The following ANKS1A variants were observed in gnomAD, a reference collection of about 807,000 sequenced individuals.
ANKS1A encodes ankyrin repeat and sterile alpha motif domain containing 1A, also known as ankyrin repeat and SAM domain-containing protein 1A.
Under a neutral mutation model 120.3 loss-of-function variants are expected in ANKS1A, and 55 were observed. The ratio of observed to expected loss-of-function variants is 0.46; its 90% CI spans 0.37 to 0.57. The LOEUF (loss-of-function observed/expected upper bound fraction) is 0.57, where lower values mean the gene tolerates loss of function less well. Among genes scored for constraint, ANKS1A ranks in the 20% least tolerant of loss-of-function variants. The probability of loss-of-function intolerance (pLI) is 0.00; values close to 1 mark genes in which losing one functional copy is unlikely to be tolerated. For synonymous variants in ANKS1A, 590 were observed against 604.7 expected (o/e 0.98, Z 0.36); for missense variants, 1,123 against 1,480.3 (o/e 0.76, Z 3.96).
chr6:35,004,236 C>T (rs951502585), intron 10 of ANKS1A, among the ~76,000 whole-genome samples: 22 of 152,244 alleles, frequency 1.4e-4, no homozygotes, highest in South Asian at 4.2e-4. Context: ...GCTGATGCTC[C>T]CAGCTGATTA....
chr6:34,987,733 G>A (rs1772286091), intron 8 of ANKS1A, among the ~76,000 whole-genome samples: 1 of 152,240 alleles, frequency 6.6e-6, no homozygotes. Context: ...ATGCCAAAAT[G>A]CTAATGCGAG....
chr6:35,050,251 C>T lies in ANKS1A; in HGVS notation c.2011-3848C>T, dbSNP rs1369781597. ...AAACTTTTTGAAAATGGAGTATTTC[C>T]AAGCATTTTTTGAAGACAAGAGTCC... On this transcript the variant is annotated intron_variant, in intron 11 of 23. Coordinates refer to ENST00000360359, the MANE Select transcript of ANKS1A (RefSeq NM_015245.3). The surrounding 1 kb of genome is among the most constrained non-coding windows in gnomAD (Gnocchi z 4.3). 5.3e-5 allele frequency among the ~76,000 whole-genome samples: 8 copies of T among 152,142 alleles called. No individual in the cohort carries two copies. Among genetic ancestry groups the T allele is most frequent in the African/African-American group, 1.9e-4 (8 of 41,418 alleles).
At chr6:34,940,660 C>T (rs1769476940) in intron 1 of ANKS1A, among the ~76,000 whole-genome samples, 1 of 151,992 alleles carries the variant, frequency 6.6e-6, no homozygotes, top group Non-Finnish European at 1.5e-5. Context: ...CTTATAATCC[C>T]AGCACTTTGG....
Position 34,968,208 on chromosome 6 carries a change from C to T in ANKS1A, c.278+889C>T, listed in dbSNP as rs184865534. Among the ~76,000 whole-genome samples the T allele has an allele frequency of 3.6e-3, 549 of 152,144 alleles. 2 individuals are homozygous for T. Among genetic ancestry groups the T allele is most frequent in the African/African-American group, 9.5e-3 (394 of 41,510 alleles). On this transcript the variant is annotated intron_variant, in intron 2 of 23. Transcript: ENST00000360359. The stretch of plus-strand genomic sequence containing the variant: ...GGAACTGGGTGGGATTTGTGTGGAA[C>T]GTTCTCTGGAGGAGGCATGCTTTGG...
intron 3 of ANKS1A, among the ~76,000 whole-genome samples, chr6:34,978,805 C>A (rs1356751047): frequency 1.3e-4 from 13 of 96,892 alleles, no homozygotes; most frequent in African/African-American, 3.2e-4. Flanking sequence ...AACTCCGTCT[C>A]AAAAAAAAAA....
chr6:34,931,879 A>G (rs1768999285), intron 1 of ANKS1A, among the ~76,000 whole-genome samples: 1 of 152,240 alleles, frequency 6.6e-6, no homozygotes, highest in Non-Finnish European at 1.5e-5. Flanking sequence ...GAAGTACAAA[A>G]CAGTAGATTA....
At position 34,889,574 on chromosome 6, in the gene ANKS1A, A is replaced by T; in HGVS notation, c.172A>T (p.Ser58Cys). ...GGGGGGLGSS[S>C]HPLSSLLSMW... ...CGGCGGCGGCGGCCTCGGCTCTTCC[A>T]GCCACCCCCTCTCCAGTCTGCTCAG... Residue 58 changes from serine (S) to cysteine (C), a missense_variant, in exon 1 of 24, where the codon AGC (serine) becomes TGC (cysteine). Ser to Cys is a moderately radical substitution (Grantham distance 112). Around this residue, in one of 3 missense-constraint regions of ANKS1A, gnomAD observed 73 missense variants for 82.2 expected, o/e 0.89. Transcript: ENST00000360359. This position sits in a 1 kb window ranked among gnomAD's most constrained non-coding sequence, Gnocchi z 5.5. The T allele has an allele frequency of 7.7e-7, 1 of 1,291,034 alleles. No homozygotes were observed. The highest frequency in any genetic ancestry group is 3.3e-5 in the South Asian group (1 of 30,534). 80.0% of individuals were successfully genotyped at this position (1,291,034 alleles called of 1,614,324 possible). A position where few individuals can be genotyped will look rare whatever the true frequency, so the allele number is the denominator to read the frequency against.
Position 35,084,045 on chromosome 6 carries a change from T to A in ANKS1A, c.2995-76T>A. Reference sequence around the variant, plus strand: ...AGGCTGGGACAGAGAACAGTGACAATGGTAACAGGCTGGGGCAGGGGGTGC... The same window carrying A: ...AGGCTGGGACAGAGAACAGTGACAAAGGTAACAGGCTGGGGCAGGGGGTGC... On this transcript the variant is annotated intron_variant, in intron 20 of 23. Coordinates refer to ENST00000360359, the MANE Select transcript of ANKS1A (RefSeq NM_015245.3). This position sits in a 1 kb window ranked among gnomAD's most constrained non-coding sequence, Gnocchi z 4.8. The A allele has an allele frequency of 6.3e-7, 1 of 1,580,168 alleles. No individual in the cohort carries two copies. The highest frequency in any genetic ancestry group is 8.6e-7 in the Non-Finnish European group (1 of 1,158,540).
In ANKS1A at chr6:35,082,892, G is replaced by A. The variant is rs1014085749; in HGVS notation, c.2835+76G>A. 1.4e-5 allele frequency: 22 copies of A among 1,560,148 alleles called. No homozygotes were observed. The highest frequency in any genetic ancestry group is 1.8e-5 in the Non-Finnish European group (21 of 1,155,374). ...GCCAGGCACCTGCGGCCAAGTCCCA[G>A]CAGGGACTCCACAAAGCCAGGCCCA... On this transcript the variant is annotated intron_variant, in intron 18 of 23. Coordinates refer to ENST00000360359, the MANE Select transcript of ANKS1A (RefSeq NM_015245.3). The surrounding 1 kb of genome is among the most constrained non-coding windows in gnomAD (Gnocchi z 4.1).
intron 8 of ANKS1A, among the ~76,000 whole-genome samples, chr6:34,987,037 C>T (rs1446075453): frequency 1.3e-5 from 2 of 152,202 alleles, no homozygotes; most frequent in Admixed American, 6.5e-5. Context: ...TCTTTGTTCC[C>T]TCCTGCTCTC....
chr6:35,090,898 A>G lies in ANKS1A; in HGVS notation c.*2289A>G. 3 of 985,444 alleles carry G rather than the reference A, an allele frequency of 3.0e-6. No individual in the cohort carries two copies. The South Asian group carries it at 1.4e-4, about 46-fold the overall frequency. The allele number at this position is 985,444 out of a possible 1,614,324, so 61.0% of individuals were successfully genotyped here. On this transcript the variant is annotated 3_prime_UTR_variant, in exon 24 of 24. Transcript: ENST00000360359. ...GCCCACCAGCTGCTCAGCGCATAAG[A>G]CCTTCCCGACAGGCTCTGCGTGTGC...
intron 23 of ANKS1A, 52 bp from the exon 24 acceptor site, chr6:35,088,554 G>T: frequency 6.2e-7 from 1 of 1,607,594 alleles, no homozygotes; most frequent in Non-Finnish European, 8.5e-7. Context: ...TCCACCGTCC[G>T]CAGGCCCCAT....
chr6:34,967,426 G>A (rs1226892471), intron 2 of ANKS1A, 107 bp downstream of exon 2: 2 of 1,071,410 alleles, frequency 1.9e-6, no homozygotes, highest in Admixed American at 2.2e-5. Flanking sequence ...AGTGGCTCAT[G>A]CCTGTAATCC....
chr6:34,982,940 CT>C lies in ANKS1A; in HGVS notation c.808+114del. 7.5e-7 allele frequency: 1 copy of C among 1,340,232 alleles called. No homozygotes were observed. The allele number at this position is 1,340,232 out of a possible 1,614,324, so 83.0% of individuals were successfully genotyped here. ...GTGTTTGAACTCAATGTATGTGTAT[CT>C]CCACTGGTTGATTACAAGTGTGTAA... On this transcript the variant is annotated intron_variant, in intron 5 of 23. Coordinates refer to ENST00000360359, the MANE Select transcript of ANKS1A (RefSeq NM_015245.3). This position sits in a 1 kb window ranked among gnomAD's most constrained non-coding sequence, Gnocchi z 4.9.
intron 10 of ANKS1A, chr6:35,010,021 A>G (rs1773671412): frequency 4.8e-6 from 1 of 209,064 alleles, no homozygotes; most frequent in Admixed American, 5.7e-5. Flanking sequence ...CTCTACGAAA[A>G]TAAAAAATTT....
intron 1 of ANKS1A, among the ~76,000 whole-genome samples, chr6:34,933,295 A>C (rs1769081524): frequency 6.6e-6 from 1 of 152,236 alleles, no homozygotes; most frequent in Non-Finnish European, 1.5e-5. Context: ...TTGGCGAAAT[A>C]GATTTTTTTT....
intron 3 of ANKS1A, among the ~76,000 whole-genome samples, chr6:34,979,239 C>G (rs1771773424): frequency 6.6e-6 from 1 of 152,126 alleles, no homozygotes; most frequent in Non-Finnish European, 1.5e-5. Flanking sequence ...AAAATGAAGC[C>G]AGTTTGAGAA....
chr6:35,084,720 C>T lies in ANKS1A; in HGVS notation c.3132+462C>T, dbSNP rs1777873933. ...GGTCTCCAACCTCTGGCTGGGCCGCCTCCCAGAAATGCCCTCTACTTCCCT... is the reference window on the plus strand; with the variant it reads ...GGTCTCCAACCTCTGGCTGGGCCGCTTCCCAGAAATGCCCTCTACTTCCCT... On this transcript the variant is annotated intron_variant, in intron 21 of 23. Transcript: ENST00000360359. The surrounding 1 kb of genome is among the most constrained non-coding windows in gnomAD (Gnocchi z 4.8). Among the ~76,000 whole-genome samples, 1 of 152,200 alleles carries T rather than the reference C, an allele frequency of 6.6e-6. No homozygotes were observed. Among genetic ancestry groups the T allele is most frequent in the Non-Finnish European group, 1.5e-5 (1 of 68,028 alleles).
intron 13 of ANKS1A, among the ~76,000 whole-genome samples, chr6:35,069,941 C>T (rs573462729): frequency 1.7e-4 from 26 of 149,224 alleles, no homozygotes; most frequent in Non-Finnish European, 3.6e-4. Context: ...GCAGGAGAAT[C>T]GCTTGAACCT....
Sources: gnomAD v4.1 joint callset for allele counts (sites outside exome capture counted in the v4.1 genomes callset) on GRCh38, gnomAD v4.1.1 for gene constraint, gnomAD v4.1.1 regional missense constraint, Gnocchi (gnomAD v3.1) non-coding constraint, MANE v1.5 for transcripts, NCBI Gene and HGNC (gene_info 2026-07-23, HGNC 2026-07-21) for gene names.